The following TRIM25 variants were observed in gnomAD, a reference collection of about 807,000 sequenced individuals.
TRIM25 encodes the protein E3 ubiquitin/ISG15 ligase TRIM25.
Under a neutral mutation model 65.2 loss-of-function variants are expected in TRIM25, and 45 were observed. The ratio of observed to expected loss-of-function variants is 0.69; its 90% confidence interval spans 0.54 to 0.89. The LOEUF (loss-of-function observed/expected upper bound fraction) is 0.89. TRIM25 is among the 40% of genes least tolerant of loss of function. The pLI is 0.00. For synonymous variants in TRIM25, 321 were observed against 340.4 expected, an observed-to-expected ratio of 0.94 and a Z score of 0.63; for missense variants, 714 against 803.7, an observed-to-expected ratio of 0.89 and a Z score of 1.35.
At chr17:56,910,047 A>C (rs1228601957) in intron 1 of TRIM25, among the ~76,000 whole-genome samples, 1 of 152,216 alleles carries the variant, frequency 6.6e-6, no homozygotes, top group Non-Finnish European at 1.5e-5. Flanking sequence ...ACACTGAGGC[A>C]CAGAACAATT....
chr17:56,890,425 G>A lies in TRIM25; in HGVS notation c.*1275C>T. The A allele has an allele frequency of 2.8e-6, 1 of 357,846 alleles. No individual in the cohort carries two copies. Among genetic ancestry groups the A allele is most frequent in the Non-Finnish European group, 5.5e-6 (1 of 180,634 alleles). 22.2% of individuals were successfully genotyped at this position (357,846 alleles called of 1,614,324 possible). A position where few individuals can be genotyped will look rare whatever the true frequency, so the allele number is the denominator to read the frequency against. The stretch of plus-strand genomic sequence containing the variant: ...GTGAGCTTATATAATTGGCTTAAAT[G>A]AGGAAGTCAGTAGAAGGGGCTAGGG... On this transcript the variant is annotated 3_prime_UTR_variant, in exon 9 of 9. Coordinates refer to ENST00000316881, the MANE Select transcript of TRIM25 (RefSeq NM_005082.5).
At chr17:56,899,294 C>A in intron 4 of TRIM25, 114 bp from the exon 5 acceptor site, 3 of 985,098 alleles carry the variant, frequency 3.0e-6, no homozygotes, top group East Asian at 5.1e-5. Context: ...CCATTTCCTC[C>A]GACCTTCCCC....
In TRIM25 at chr17:56,891,458, G is replaced by A; in HGVS notation, c.*242C>T. 1.9e-6 allele frequency: 1 copy of A among 536,050 alleles called. No individual in the cohort carries two copies. The allele number at this position is 536,050 out of a possible 1,614,324, so 33.2% of individuals were successfully genotyped here. A position where few individuals can be genotyped will look rare whatever the true frequency, so the allele number is the denominator to read the frequency against. ...GCAGCCTGGAGATTTCCAGAACAAT[G>A]GGGAGTAGGTCACCCTGCCCTGATA... is the stretch of plus-strand genomic sequence containing the variant. On this transcript the variant is annotated 3_prime_UTR_variant, in exon 9 of 9. Coordinates refer to ENST00000316881, the MANE Select transcript of TRIM25 (RefSeq NM_005082.5).
In TRIM25 at chr17:56,895,601, G is replaced by A; in HGVS notation, c.1184C>T (p.Pro395Leu). 1 of 1,555,954 alleles carries A rather than the reference G, an allele frequency of 6.4e-7. No homozygotes were observed. The change falls in exon 7 of 9, where the codon CCT becomes CTT. Residue 395 changes from proline to leucine, a missense_variant. Physicochemically the swap from Pro to Leu is moderately conservative, Grantham distance 98. Transcript: ENST00000316881. ...KEEKKSKKPPPVPALPSKLPT... is the reference protein window; with the variant it reads ...KEEKKSKKPPLVPALPSKLPT... The stretch of plus-strand genomic sequence containing the variant: ...AAGCTTGCTGGGTAAGGCAGGGACA[G>A]GGGCTGGGGGTAAGGAAAGGGAAAT...
chr17:56,891,150 G>A lies in TRIM25; in HGVS notation c.*550C>T. 1 of 356,186 alleles carries A rather than the reference G, an allele frequency of 2.8e-6. No individual in the cohort carries two copies. The highest frequency in any genetic ancestry group is 2.1e-5 in the South Asian group (1 of 47,510). 22.1% of individuals were successfully genotyped at this position (356,186 alleles called of 1,614,324 possible). A position where few individuals can be genotyped will look rare whatever the true frequency, so the allele number is the denominator to read the frequency against. On this transcript the variant is annotated 3_prime_UTR_variant, in exon 9 of 9. Transcript: ENST00000316881. ...TCTTTAGGAAACTGTTCTGGGTAGA[G>A]ACTGCTGTGGGTGTTTCCTCAAGCA...
intron 5 of TRIM25, 124 bp from the exon 6 acceptor site, chr17:56,896,076 A>G (rs1253223523): frequency 1.8e-6 from 2 of 1,095,626 alleles, no homozygotes; most frequent in East Asian, 2.6e-5. Flanking sequence ...AATTTGAAAA[A>G]CAGAAGGAGT....
intron 4 of TRIM25, 104 bp from the exon 5 acceptor site, chr17:56,899,284 C>A: frequency 8.9e-7 from 1 of 1,129,696 alleles, no homozygotes; most frequent in Non-Finnish European, 1.3e-6. Context: ...ACACAGACAG[C>A]CATTTCCTCC....
chr17:56,911,281 TA>T (rs1243498391), intron 1 of TRIM25, among the ~76,000 whole-genome samples: 6 of 150,332 alleles, frequency 4.0e-5, no homozygotes, highest in African/African-American at 1.5e-4. Flanking sequence ...AAGAAAAGAT[TA>T]AAAAATATAT....
Position 56,889,618 on chromosome 17 carries a change from G to T in TRIM25, c.*2082C>A, listed in dbSNP as rs1049315839. On this transcript the variant is annotated 3_prime_UTR_variant, in exon 9 of 9. Transcript: ENST00000316881. The stretch of plus-strand genomic sequence containing the variant: ...TACTTGACTCTCTTTTAAACAGAGG[G>T]TCTTATGCTTCCCTATCCTGAGCTG... 6.3e-5 allele frequency: 25 copies of T among 397,008 alleles called. No individual in the cohort carries two copies. Among genetic ancestry groups the T allele is most frequent in the African/African-American group, 5.1e-4 (25 of 48,604 alleles). The allele number at this position is 397,008 out of a possible 1,614,324, so 24.6% of individuals were successfully genotyped here.
intron 6 of TRIM25, 110 bp downstream of exon 6, chr17:56,895,816 T>A: frequency 2.9e-6 from 4 of 1,402,008 alleles, no homozygotes; most frequent in Non-Finnish European, 2.9e-6. Flanking sequence ...TGGAATCATA[T>A]AGAACCCATC....
intron 2 of TRIM25, among the ~76,000 whole-genome samples, chr17:56,906,827 AT>A (rs1909530544): frequency 3.9e-5 from 6 of 152,156 alleles, no homozygotes; most frequent in African/African-American, 9.7e-5. Context: ...GCAACTTCTA[AT>A]GTGACTACAA....
Position 56,892,225 on chromosome 17 carries a change from G to T in TRIM25, c.1368C>A (p.Tyr456Ter). ...AKSRPELLEY[Y>*]IKVILDYNTA... ...TGTTGTAGTCCAGGATGACTTTAAT[G>T]TAATCTGAGAAAACATCACCCCAAG... The change falls in exon 9 of 9, where the codon TAC becomes TAA. Residue 456 changes from tyrosine (Y) to a stop codon, truncating the protein, a stop_gained. Coordinates refer to ENST00000316881, the MANE Select transcript of TRIM25 (RefSeq NM_005082.5). LOFTEE classifies it high-confidence loss of function. The T allele has an allele frequency of 6.3e-7, 1 of 1,588,828 alleles. No homozygotes were observed.
At chr17:56,911,504 C>A (rs533747311) in intron 1 of TRIM25, among the ~76,000 whole-genome samples, 1 of 150,342 alleles carries the variant, frequency 6.7e-6, no homozygotes, top group Non-Finnish European at 1.5e-5. Context: ...CGCTTGAACT[C>A]GGGAGGTGGA....
At chr17:56,905,800 TA>T (rs2144360003) in intron 2 of TRIM25, among the ~76,000 whole-genome samples, 1 of 151,746 alleles carries the variant, frequency 6.6e-6, no homozygotes, top group African/African-American at 2.4e-5. Context: ...TCTACAAAAA[TA>T]AAAATAAAAA....
At chr17:56,895,073 A>T (rs1042509420) in intron 8 of TRIM25, among the ~76,000 whole-genome samples, 2 of 152,242 alleles carry the variant, frequency 1.3e-5, no homozygotes, top group East Asian at 3.8e-4. Flanking sequence ...GAGGACATGC[A>T]GGCGCCGACC....
rs571304503 is a variant in TRIM25, at chr17:56,890,448, G to C, written c.*1252C>G. 9.6e-5 allele frequency: 36 copies of C among 373,434 alleles called. No homozygotes were observed. Among genetic ancestry groups the C allele is most frequent in the Non-Finnish European group, 1.6e-4 (31 of 188,166 alleles). 23.1% of individuals were successfully genotyped at this position (373,434 alleles called of 1,614,324 possible). A position where few individuals can be genotyped will look rare whatever the true frequency, so the allele number is the denominator to read the frequency against. ...ATGAGGAAGTCAGTAGAAGGGGCTA[G>C]GGCCAGCCCCAGGCTCTGACTCACG... On this transcript the variant is annotated 3_prime_UTR_variant, in exon 9 of 9. Coordinates refer to ENST00000316881, the MANE Select transcript of TRIM25 (RefSeq NM_005082.5).
At chr17:56,895,625 A>G in intron 6 of TRIM25, 21 bp from the exon 7 acceptor site, 1 of 1,542,770 alleles carries the variant, frequency 6.5e-7, no homozygotes, top group Non-Finnish European at 8.7e-7. Flanking sequence ...GGAAAGGGAA[A>G]TATGATACAG....
rs759248501 is a variant in TRIM25, at chr17:56,892,071, T to C, written c.1522A>G (p.Lys508Glu). ...CSQVLGLHCY[K>E]KGIHYWEVEL... ...ACCTCCCAGTAGTGGATCCCCTTCT[T>C]GTAGCAGTGCAGGCCCAGCACCTGA... The change falls in exon 9 of 9, where the codon AAG becomes GAG. Residue 508 changes from lysine to glutamate, a missense_variant. Physicochemically the swap from Lys to Glu is moderately conservative, Grantham distance 56 (BLOSUM62 1). Around this residue, in one of 3 missense-constraint regions of TRIM25, gnomAD observed 413 missense variants for 498.2 expected, o/e 0.83. Transcript: ENST00000316881. The C allele has an allele frequency of 2.7e-5, 43 of 1,614,064 alleles. No individual in the cohort carries two copies. Among genetic ancestry groups the C allele is most frequent in the Non-Finnish European group, 3.6e-5 (42 of 1,180,038 alleles).
chr17:56,895,892 A>G, intron 6 of TRIM25, 34 bp downstream of exon 6: 1 of 1,609,152 alleles, frequency 6.2e-7, no homozygotes. Flanking sequence ...GGGCAGTCTC[A>G]AGAAACGAAC....
Sources: gnomAD v4.1 joint callset for allele counts (sites outside exome capture counted in the v4.1 genomes callset) on GRCh38, gnomAD v4.1.1 for gene constraint, gnomAD v4.1.1 regional missense constraint, MANE v1.5 for transcripts, NCBI Gene and HGNC (gene_info 2026-07-23, HGNC 2026-07-21) for gene names.